FANCA: variants seen among roughly 807,000 people sequenced by gnomAD.
FANCA encodes Fanconi anemia group A protein.
A neutral mutation model predicts 194.3 loss-of-function variants in FANCA; 236 were observed. That is an observed-to-expected ratio of 1.21 (90% confidence interval 1.09 to 1.35). The LOEUF (loss-of-function observed/expected upper bound fraction) is 1.35. Among genes scored for constraint, FANCA ranks in the 40% most tolerant of loss-of-function variants. The pLI, the probability that FANCA is intolerant of heterozygous loss-of-function variation, is 0.00. For missense variants in FANCA, 2,628 were observed against 1,813.9 expected, an observed-to-expected ratio of 1.45 and a Z score of -8.15; for synonymous variants, 1,014 against 715.8, an observed-to-expected ratio of 1.42 and a Z score of -6.65.
At chr16:89,782,712 G>T in intron 17 of FANCA, 147 bp downstream of exon 17, 1 of 706,594 alleles carries the variant, frequency 1.4e-6, no homozygotes, top group Non-Finnish European at 2.5e-6. Context: ...ACAGAGGCCC[G>T]CAGAGCCTCG....
At chr16:89,811,948 T>C (rs1182395423) in intron 3 of FANCA, among the ~76,000 whole-genome samples, 2 of 150,960 alleles carry the variant, frequency 1.3e-5, no homozygotes. Context: ...GCTAGGCTCG[T>C]CTCCAATTCC....
chr16:89,815,932 T>A lies in FANCA; in HGVS notation c.134A>T (p.Glu45Val). 6.2e-7 allele frequency: 1 copy of A among 1,614,134 alleles called. No homozygotes were observed. Among genetic ancestry groups the A allele is most frequent in the Non-Finnish European group, 8.5e-7 (1 of 1,179,982 alleles). Residue 45 changes from glutamate to valine, a missense_variant, in exon 2 of 43, where the codon GAA becomes GTA. By Grantham distance (121) the Glu-to-Val change is moderately radical. Transcript: ENST00000389301. ...YNPERAQKLK[E>V]SAVRLLRSHQ... is the part of the protein sequence containing the mutation. ...GCTTCGCAGGAGGCGCACAGCTGAT[T>A]CCTTTAATTTCTGTGCCCTTTCAGG...
chr16:89,782,850 C>CAACATT lies in FANCA; in HGVS notation c.1626+3_1626+8dup, dbSNP rs1277248855. 1 of 1,611,796 alleles carries CAACATT rather than the reference C, an allele frequency of 6.2e-7. No individual in the cohort carries two copies. The highest frequency in any genetic ancestry group is 8.5e-7 in the Non-Finnish European group (1 of 1,177,862). ...TGGCTGAGACCCTGCAGGGCTCAAG[C>CAACATT]AACATTACCTCAGTAATGTCCCCAG... is the stretch of plus-strand genomic sequence containing the variant. On this transcript the variant is annotated intron_variant, in intron 17 of 42. Transcript: ENST00000389301.
intron 5 of FANCA, 23 bp from the exon 6 acceptor site, chr16:89,808,390 C>A (rs1000574578): frequency 6.2e-7 from 1 of 1,609,478 alleles, no homozygotes; most frequent in Non-Finnish European, 8.5e-7. Context: ...ACAAAACAAA[C>A]AAAAACAAAA....
rs373998326 is a variant in FANCA, at chr16:89,809,555, G to C, written c.522+1152C>G. On this transcript the variant is annotated intron_variant, in intron 5 of 42. Coordinates refer to ENST00000389301, the MANE Select transcript of FANCA (RefSeq NM_000135.4). ...ATGGTGAAACCTCATCTCTACTAAA[G>C]ATACAAAAATTGGGCAGGGCGCGGT... 2.0e-4 allele frequency among the ~76,000 whole-genome samples: 30 copies of C among 151,640 alleles called. No individual in the cohort carries two copies. In the East Asian group the frequency reaches 4.1e-3, roughly 21 times the overall value.
chr16:89,785,246 A>G (rs1356836057), intron 14 of FANCA, among the ~76,000 whole-genome samples: 5 of 152,220 alleles, frequency 3.3e-5, no homozygotes, highest in Admixed American at 1.3e-4. Context: ...GACTGAAGAG[A>G]TATCTAAAAG....
At chr16:89,740,733 A>G in intron 38 of FANCA, 71 bp downstream of exon 38, 1 of 1,340,674 alleles carries the variant, frequency 7.5e-7, no homozygotes, top group Non-Finnish European at 1.1e-6. Context: ...CTGACTTGGA[A>G]GCTGGCTGCC....
At chr16:89,754,525 G>A (rs774873158) in intron 30 of FANCA, among the ~76,000 whole-genome samples, 22 of 151,864 alleles carry the variant, frequency 1.4e-4, no homozygotes, top group Non-Finnish European at 2.9e-4. Flanking sequence ...AGCCCACCAC[G>A]ATGCCCGGCT....
intron 30 of FANCA, among the ~76,000 whole-genome samples, chr16:89,753,306 T>C (rs1185227852): frequency 6.6e-6 from 1 of 152,040 alleles, no homozygotes; most frequent in Non-Finnish European, 1.5e-5. Flanking sequence ...AGCCCGACAC[T>C]CGGGGCCACT....
intron 22 of FANCA, 148 bp downstream of exon 22, chr16:89,773,123 C>A: frequency 1.4e-6 from 1 of 693,564 alleles, no homozygotes; most frequent in Non-Finnish European, 2.5e-6. Flanking sequence ...AGGTTCCACA[C>A]CCGCCAGCCC....
intron 31 of FANCA, among the ~76,000 whole-genome samples, 171 bp from the exon 32 acceptor site, chr16:89,750,073 A>G (rs2038530020): frequency 6.6e-6 from 1 of 152,202 alleles, no homozygotes; most frequent in Non-Finnish European, 1.5e-5. Context: ...CAAATATAGA[A>G]CAGTGCAGGC....
At chr16:89,740,938 A>G (rs1042661814) in intron 37 of FANCA, 72 bp from the exon 38 acceptor site, 1 of 1,362,632 alleles carries the variant, frequency 7.3e-7, no homozygotes, top group African/African-American at 1.4e-5. Context: ...AGGCTGACAC[A>G]TTCCTCTTTA....
Position 89,792,080 on chromosome 16 carries a change from G to C in FANCA, c.1084-12C>G. On this transcript the variant is annotated splice_polypyrimidine_tract_variant and intron_variant, in intron 12 of 42. Transcript: ENST00000389301. Reference sequence around the variant, plus strand: ...AGCATCACAAAGAGCTGAAATAAAAGCATCCGCTCCCTTCAATATCCAAGC... The same window carrying C: ...AGCATCACAAAGAGCTGAAATAAAACCATCCGCTCCCTTCAATATCCAAGC... The C allele has an allele frequency of 1.2e-6, 2 of 1,614,156 alleles. No homozygotes were observed. Among genetic ancestry groups the C allele is most frequent in the Non-Finnish European group, 1.7e-6 (2 of 1,180,016 alleles).
intron 33 of FANCA, among the ~76,000 whole-genome samples, chr16:89,747,211 C>T (rs777694491): frequency 8.7e-4 from 133 of 152,174 alleles, no homozygotes; most frequent in Non-Finnish European, 1.2e-4. Flanking sequence ...GTGGTGAGGA[C>T]GACACTAATA....
In FANCA at chr16:89,738,083, G is replaced by A. The variant is rs960626938; in HGVS notation, c.*518C>T. Reference sequence around the variant, plus strand: ...GACTTTGCCTGTGACCAGTGTGGCCGGCGGTTTGAGAAGGCCCACAACCTC... The same window carrying A: ...GACTTTGCCTGTGACCAGTGTGGCCAGCGGTTTGAGAAGGCCCACAACCTC... On this transcript the variant is annotated 3_prime_UTR_variant, in exon 43 of 43. Coordinates refer to ENST00000389301, the MANE Select transcript of FANCA (RefSeq NM_000135.4). The A allele has an allele frequency of 9.3e-6, 15 of 1,613,928 alleles. No individual in the cohort carries two copies. Among genetic ancestry groups the A allele is most frequent in the Middle Eastern group, 1.6e-4 (1 of 6,084 alleles).
chr16:89,809,656 C>T (rs186651419), intron 5 of FANCA, among the ~76,000 whole-genome samples: 2 of 151,742 alleles, frequency 1.3e-5, no homozygotes, highest in Non-Finnish European at 2.9e-5. Context: ...TTGAGACCAG[C>T]CTGACCAACA....
intron 30 of FANCA, among the ~76,000 whole-genome samples, chr16:89,753,194 CT>C (rs2038656565): frequency 6.6e-6 from 1 of 152,236 alleles, no homozygotes; most frequent in Non-Finnish European, 1.5e-5. Flanking sequence ...GACGGGCCCC[CT>C]GTCCAGTGGA....
intron 27 of FANCA, among the ~76,000 whole-genome samples, chr16:89,766,130 G>C (rs2039119573): frequency 6.6e-6 from 1 of 151,706 alleles, no homozygotes; most frequent in Non-Finnish European, 1.5e-5. Flanking sequence ...CCAAGTAGCT[G>C]GGATTACAGG....
intron 10 of FANCA, among the ~76,000 whole-genome samples, chr16:89,797,077 G>T (rs2143566836): frequency 6.6e-6 from 1 of 152,204 alleles, no homozygotes; most frequent in African/African-American, 2.4e-5. Flanking sequence ...GGAGAATGGT[G>T]TGAACCCAGG....
Sources: gnomAD v4.1 joint callset for allele counts (sites outside exome capture counted in the v4.1 genomes callset) on GRCh38, gnomAD v4.1.1 for gene constraint, MANE v1.5 for transcripts, NCBI Gene and HGNC (gene_info 2026-07-23, HGNC 2026-07-21) for gene names.